IL1RAPL1: variants seen among roughly 807,000 people sequenced by gnomAD.
The protein encoded by IL1RAPL1 is interleukin 1 receptor accessory protein like 1.
In IL1RAPL1, 3 loss-of-function variants were observed where a neutral mutation model predicts 48.4. That is an observed-to-expected ratio of 0.06 (90% CI 0.03 to 0.16). The LOEUF (loss-of-function observed/expected upper bound fraction) is 0.16, where lower values mean the gene tolerates loss of function less well. IL1RAPL1 is among the 10% of genes least tolerant of loss of function. The pLI, the probability that IL1RAPL1 is intolerant of heterozygous loss-of-function variation, is 1.00. For synonymous variants in IL1RAPL1, 185 were observed against 187.7 expected (o/e 0.99, Z 0.12); for missense variants, 349 against 530.6 (o/e 0.66, Z 3.36).
chrX:29,203,418 C>G (rs1394121754), intron 2 of IL1RAPL1, among the ~76,000 whole-genome samples: 1 of 110,783 alleles, frequency 9.0e-6, no homozygotes, highest in Non-Finnish European at 1.9e-5. Context: ...CACTTCAATT[C>G]TTTCAAGCTG....
At chrX:28,805,777 T>C (rs1936723606) in intron 2 of IL1RAPL1, among the ~76,000 whole-genome samples, 1 of 111,126 alleles carries the variant, frequency 9.0e-6, no homozygotes, top group African/African-American at 3.3e-5. Context: ...TTTAAAAATA[T>C]CTGTTTTATT....
At position 29,007,215 on chromosome X, in the gene IL1RAPL1, GAGA is replaced by G. The variant is rs1309394734; in HGVS notation, c.82+217793_82+217795del. Among the ~76,000 whole-genome samples, 12 of 111,842 alleles carry G rather than the reference GAGA, an allele frequency of 1.1e-4. 1 individual carries two copies. Among genetic ancestry groups the G allele is most frequent in the African/African-American group, 3.2e-4 (10 of 30,824 alleles). ...TTTGAATTTTGCTATAGTTGTTAGA[GAGA>G]AGGAGTTAGATGATTTTTATTCCTG... On this transcript the variant is annotated intron_variant, in intron 2 of 10. Transcript: ENST00000378993.
chrX:29,683,143 G>C (rs994584960), intron 6 of IL1RAPL1, among the ~76,000 whole-genome samples: 6 of 112,265 alleles, frequency 5.3e-5, no homozygotes, highest in African/African-American at 1.9e-4. Context: ...CCCTGAATGA[G>C]AAATTGGTTC....
At position 29,956,177 on chromosome X, in the gene IL1RAPL1, CTTTGCT is replaced by C. The variant is rs994746336; in HGVS notation, c.*361_*366del. 1.3e-4 allele frequency: 29 copies of C among 219,492 alleles called. No individual in the cohort carries two copies. The highest frequency in any genetic ancestry group is 8.1e-4 in the African/African-American group (27 of 33,189). 18.1% of individuals were successfully genotyped at this position (219,492 alleles called of 1,213,427 possible). A position where few individuals can be genotyped will look rare whatever the true frequency, so the allele number is the denominator to read the frequency against. Reference sequence around the variant, plus strand: ...TTTTATTTCCTTTTTTAAAATTTTACTTTGCTTTTAACATTTCCTTGGGGTGCTTGG... The same window carrying C: ...TTTTATTTCCTTTTTTAAAATTTTACTTTAACATTTCCTTGGGGTGCTTGG... On this transcript the variant is annotated 3_prime_UTR_variant, in exon 11 of 11. Coordinates refer to ENST00000378993, the MANE Select transcript of IL1RAPL1 (RefSeq NM_014271.4).
chrX:29,401,477 A>G (rs143993376), intron 5 of IL1RAPL1, among the ~76,000 whole-genome samples: 1,683 of 111,726 alleles, frequency 0.015, 15 homozygotes, highest in Middle Eastern at 0.028. Context: ...CTGTGGGGCC[A>G]AATTAAAGAG....
chrX:29,368,576 TTTTCTTTTTC>T (rs1301887974), intron 3 of IL1RAPL1, among the ~76,000 whole-genome samples: 8 of 108,037 alleles, frequency 7.4e-5, no homozygotes, highest in Admixed American at 3.9e-4. Flanking sequence ...GTTTGTTTGT[TTTTCTTTTTC>T]TTTCTTTTTT....
intron 6 of IL1RAPL1, among the ~76,000 whole-genome samples, chrX:29,739,559 A>C (rs2147134563): frequency 8.9e-6 from 1 of 111,815 alleles, no homozygotes; most frequent in African/African-American, 3.3e-5. Flanking sequence ...GAGTTGCCAT[A>C]AAAATATAAA....
At chrX:28,793,059 C>T (rs923613217) in intron 2 of IL1RAPL1, among the ~76,000 whole-genome samples, 4 of 105,957 alleles carry the variant, frequency 3.8e-5, no homozygotes, top group Non-Finnish European at 5.8e-5. Context: ...ATTCAGCATT[C>T]GTTACACAAT....
intron 4 of IL1RAPL1, among the ~76,000 whole-genome samples, chrX:29,398,385 G>A (rs1382715910): frequency 8.9e-6 from 1 of 111,760 alleles, no homozygotes; most frequent in African/African-American, 3.2e-5. Flanking sequence ...TTTTATCCTC[G>A]TTCCATTGAT....
At chrX:29,868,057 A>G (rs910490488) in intron 6 of IL1RAPL1, among the ~76,000 whole-genome samples, 3 of 112,180 alleles carry the variant, frequency 2.7e-5, no homozygotes, top group East Asian at 5.6e-4. Flanking sequence ...TAGAGAGACA[A>G]TTAAGTAGCA....
chrX:29,242,432 T>C (rs1428226410), intron 2 of IL1RAPL1, among the ~76,000 whole-genome samples: 1 of 112,286 alleles, frequency 8.9e-6, no homozygotes, highest in Non-Finnish European at 1.9e-5. Flanking sequence ...ACTTAAATGC[T>C]ACAAGAAAAA....
chrX:29,051,369 T>G (rs1927089487), intron 2 of IL1RAPL1, among the ~76,000 whole-genome samples: 1 of 112,403 alleles, frequency 8.9e-6, no homozygotes, highest in Non-Finnish European at 1.9e-5. Context: ...ACAAGGCATT[T>G]TCCTTGGTGC....
intron 2 of IL1RAPL1, among the ~76,000 whole-genome samples, chrX:28,815,048 T>A (rs1601914933): frequency 9.0e-6 from 1 of 110,705 alleles, no homozygotes; most frequent in Non-Finnish European, 1.9e-5. Flanking sequence ...TAATACATTG[T>A]TACTATTATT....
chrX:28,685,716 G>C, intron 1 of IL1RAPL1, among the ~76,000 whole-genome samples: 1 of 111,394 alleles, frequency 9.0e-6, no homozygotes, highest in South Asian at 3.7e-4. Context: ...TCATTGGTTT[G>C]CCCCTTAGAT....
At chrX:29,068,678 G>C (rs1205310848) in intron 2 of IL1RAPL1, among the ~76,000 whole-genome samples, 1 of 112,470 alleles carries the variant, frequency 8.9e-6, no homozygotes, top group Non-Finnish European at 1.9e-5. Flanking sequence ...GAAAAGTTCA[G>C]ATATTTGGAA....
chrX:29,446,384 C>T (rs991589528), intron 5 of IL1RAPL1, among the ~76,000 whole-genome samples: 1 of 111,490 alleles, frequency 9.0e-6, no homozygotes, highest in African/African-American at 3.3e-5. Context: ...CTGTATATTG[C>T]GTCTTTTAAA....
At chrX:29,838,199 G>T (rs1931058524) in intron 6 of IL1RAPL1, among the ~76,000 whole-genome samples, 1 of 112,111 alleles carries the variant, frequency 8.9e-6, no homozygotes, top group East Asian at 2.8e-4. Context: ...GAATATTCAT[G>T]AAGTCTCCAG....
Position 29,694,507 on chromosome X carries a change from G to C in IL1RAPL1, c.778+26003G>C, listed in dbSNP as rs1260707384. 3.6e-5 allele frequency among the ~76,000 whole-genome samples: 4 copies of C among 111,106 alleles called. 1 individual carries two copies. The highest frequency in any genetic ancestry group is 5.7e-5 in the Non-Finnish European group (3 of 53,011). ...GGTGATGGTGCCTCAGTCTACTTGT[G>C]CTGCTATAATAAAATACCATAGACT... On this transcript the variant is annotated intron_variant, in intron 6 of 10. Transcript: ENST00000378993.
At chrX:28,946,214 G>A (rs1924299879) in intron 2 of IL1RAPL1, among the ~76,000 whole-genome samples, 1 of 110,158 alleles carries the variant, frequency 9.1e-6, no homozygotes, top group Non-Finnish European at 1.9e-5. Flanking sequence ...TCTAAAGACT[G>A]ATTTATGCAT....
Sources: allele counts gnomAD v4.1 joint callset (sites outside exome capture counted in the v4.1 genomes callset), GRCh38; gene constraint gnomAD v4.1.1; transcripts MANE v1.5; gene names NCBI Gene and HGNC (gene_info 2026-07-23, HGNC 2026-07-21).